The following PALLD variants were observed in gnomAD, a reference collection of about 807,000 sequenced individuals.
PALLD encodes palladin.
In PALLD, 61 loss-of-function variants were observed where a neutral mutation model predicts 123.5. That is an observed-to-expected ratio of 0.49 (90% CI 0.40 to 0.61). PALLD has a LOEUF of 0.61. PALLD is among the 20% of genes least tolerant of loss of function. The pLI is 0.00. For missense variants in PALLD, 1,273 were observed against 1,377.0 expected (o/e 0.92, Z 1.20); for synonymous variants, 465 against 496.4 (o/e 0.94, Z 0.84).
At chr4:168,811,480 A>T (rs1741105033) in intron 10 of PALLD, among the ~76,000 whole-genome samples, 1 of 152,232 alleles carries the variant, frequency 6.6e-6, no homozygotes, top group Non-Finnish European at 1.5e-5. Flanking sequence ...CATGCCTGTA[A>T]TGCCAGCACT....
At chr4:168,514,470 G>A (rs1180509819) in intron 2 of PALLD, among the ~76,000 whole-genome samples, 1 of 152,098 alleles carries the variant, frequency 6.6e-6, no homozygotes, top group Non-Finnish European at 1.5e-5. Flanking sequence ...CTGACAGCAG[G>A]GGGCAGTAAA....
intron 10 of PALLD, among the ~76,000 whole-genome samples, chr4:168,759,288 C>T (rs925478591): frequency 7.2e-6 from 1 of 139,654 alleles, no homozygotes; most frequent in Admixed American, 7.6e-5. Context: ...CCAATCTTAC[C>T]CTTTCTCCAC....
chr4:168,715,085 G>T (rs1371154435), intron 10 of PALLD, among the ~76,000 whole-genome samples: 1 of 151,996 alleles, frequency 6.6e-6, no homozygotes, highest in Admixed American at 6.6e-5. Flanking sequence ...ATAAAGTAGG[G>T]GTTCCTGGTC....
intron 2 of PALLD, among the ~76,000 whole-genome samples, chr4:168,662,884 G>A (rs911877387): frequency 3.9e-5 from 6 of 152,200 alleles, no homozygotes; most frequent in South Asian, 2.1e-4. Flanking sequence ...AGACAAGAAG[G>A]TGATGCATCT....
At chr4:168,727,749 T>C (rs915520777) in intron 10 of PALLD, among the ~76,000 whole-genome samples, 5 of 152,196 alleles carry the variant, frequency 3.3e-5, no homozygotes, top group African/African-American at 1.2e-4. Flanking sequence ...TTTGTTGCAA[T>C]TGCTTTTGGA....
intron 21 of PALLD, chr4:168,925,488 G>A: frequency 1.8e-6 from 1 of 568,174 alleles, no homozygotes; most frequent in Non-Finnish European, 3.2e-6. Context: ...GTGTCCTAAT[G>A]CACTCTAAAC....
intron 10 of PALLD, among the ~76,000 whole-genome samples, chr4:168,714,601 G>A (rs1306284824): frequency 6.6e-6 from 1 of 152,028 alleles, no homozygotes; most frequent in Non-Finnish European, 1.5e-5. Flanking sequence ...GCCTCGTGTG[G>A]TCAGCAATGA....
intron 10 of PALLD, among the ~76,000 whole-genome samples, chr4:168,781,491 GGCAGAGGCCGGGAAGCCTGTC>G (rs1178842174): frequency 1.3e-5 from 2 of 152,332 alleles, no homozygotes; most frequent in East Asian, 3.9e-4. Flanking sequence ...TATGGCCAGG[GGCAGAGGCCGGGAAGCCTGTC>G]GCAGCACAGC....
rs1554029962 is a variant in PALLD at position 168,499,246 on chromosome 4, AGAAGGGAGGGAG to A, written c.-83+2067_-83+2078del. Among the ~76,000 whole-genome samples, 5 of 82,052 alleles carry A rather than the reference AGAAGGGAGGGAG, an allele frequency of 6.1e-5. No individual in the cohort carries two copies. In the South Asian group the frequency reaches 1.5e-3, roughly 25 times the overall value. The allele number at this position is 82,052 out of a possible 152,430, so 53.8% of individuals were successfully genotyped here. On this transcript the variant is annotated intron_variant, in intron 1 of 21. Transcript: ENST00000505667. ...AAGGGAGACGGGGAAGAAGGAAGGG[AGAAGGGAGGGAG>A]GAAGGGAGGGAGGATGGGAGGGAGG...
intron 10 of PALLD, among the ~76,000 whole-genome samples, chr4:168,786,524 A>T (rs1018080164): frequency 6.6e-6 from 1 of 152,110 alleles, no homozygotes; most frequent in African/African-American, 2.4e-5. Context: ...ATAACTTTTT[A>T]AAAAAATTAT....
At chr4:168,561,314 T>C (rs1767841033) in intron 2 of PALLD, among the ~76,000 whole-genome samples, 1 of 152,076 alleles carries the variant, frequency 6.6e-6, no homozygotes, top group South Asian at 2.1e-4. Flanking sequence ...CAGGCTAGAG[T>C]GCAGTGCCAC....
chr4:168,505,103 C>T (rs1415234130), intron 1 of PALLD: 1 of 152,236 alleles, frequency 6.6e-6, no homozygotes, highest in Non-Finnish European at 1.5e-5. Context: ...TTCCAGTGAA[C>T]TTGGCCCGCT....
At chr4:168,715,196 A>G (rs1029886930) in intron 10 of PALLD, among the ~76,000 whole-genome samples, 4 of 152,038 alleles carry the variant, frequency 2.6e-5, no homozygotes, top group African/African-American at 9.7e-5. Context: ...CCTCTCATAA[A>G]GTGGGGGTTC....
rs368681284 is a variant in PALLD at position 168,511,485 on chromosome 4, T to C, written c.-20T>C. On this transcript the variant is annotated 5_prime_UTR_variant, in exon 2 of 22. Transcript: ENST00000505667. ...CTTCCTACTGAAAGCAGACACAGAGTGCATGAAGACCGTTCAAATATGTCA... is the reference window on the plus strand; with the variant it reads ...CTTCCTACTGAAAGCAGACACAGAGCGCATGAAGACCGTTCAAATATGTCA... 1.4e-5 allele frequency: 22 copies of C among 1,596,164 alleles called. No homozygotes were observed. The highest frequency in any genetic ancestry group is 1.8e-5 in the Non-Finnish European group (21 of 1,164,280).
intron 10 of PALLD, among the ~76,000 whole-genome samples, chr4:168,720,328 T>G (rs543987824): frequency 6.9e-4 from 105 of 152,352 alleles, no homozygotes; most frequent in African/African-American, 2.4e-3. Flanking sequence ...ATTCAGTTTT[T>G]GATTCTGAAG....
intron 10 of PALLD, among the ~76,000 whole-genome samples, chr4:168,793,194 TGTGTGC>T (rs1266487143): frequency 3.7e-5 from 4 of 108,522 alleles, no homozygotes; most frequent in Admixed American, 1.1e-4. Flanking sequence ...TACATATATA[TGTGTGC>T]ATATATATAC....
At chr4:168,636,205 A>G (rs1382729174) in intron 2 of PALLD, among the ~76,000 whole-genome samples, 1 of 152,132 alleles carries the variant, frequency 6.6e-6, no homozygotes, top group East Asian at 1.9e-4. Context: ...TCTGCCAGAC[A>G]CGGTGGCTCA....
chr4:168,707,251 G>A (rs1330647900), intron 8 of PALLD, among the ~76,000 whole-genome samples: 2 of 152,206 alleles, frequency 1.3e-5, no homozygotes, highest in Non-Finnish European at 2.9e-5. Context: ...CTGCAATACA[G>A]TAGAGCACCC....
At chr4:168,589,881 G>A (rs1224607311) in intron 2 of PALLD, among the ~76,000 whole-genome samples, 14 of 152,158 alleles carry the variant, frequency 9.2e-5, no homozygotes, top group South Asian at 2.1e-4. Context: ...GTATACCTGC[G>A]TGCTGCCTCA....
Sources: allele counts gnomAD v4.1 joint callset (sites outside exome capture counted in the v4.1 genomes callset), GRCh38; gene constraint gnomAD v4.1.1; transcripts MANE v1.5; gene names NCBI Gene and HGNC (gene_info 2026-07-23, HGNC 2026-07-21).